The following NRXN1 variants were observed in gnomAD, a reference collection of about 807,000 sequenced individuals.
The protein encoded by NRXN1 is neurexin 1.
In NRXN1, 39 loss-of-function variants were observed where a neutral mutation model predicts 150.9. The ratio of observed to expected loss-of-function variants is 0.26; its 90% CI spans 0.20 to 0.34. The LOEUF (loss-of-function observed/expected upper bound fraction) is 0.34, where lower values mean the gene tolerates loss of function less well. Ranked by LOEUF, NRXN1 falls within the 10% of genes least tolerant of loss-of-function variation. The pLI is 1.00. For missense variants in NRXN1, 1,815 were observed against 1,949.9 expected, an observed-to-expected ratio of 0.93 and a Z score of 1.30; for synonymous variants, 924 against 757.0, an observed-to-expected ratio of 1.22 and a Z score of -3.62.
At chr2:50,456,370 A>G (rs1315820242) in intron 17 of NRXN1, among the ~76,000 whole-genome samples, 2 of 152,266 alleles carry the variant, frequency 1.3e-5, no homozygotes. Context: ...CACACAATCT[A>G]TAATACTCAG....
intron 5 of NRXN1, among the ~76,000 whole-genome samples, chr2:50,791,688 T>C (rs1706072029): frequency 6.6e-6 from 1 of 152,182 alleles, no homozygotes; most frequent in South Asian, 2.1e-4. Flanking sequence ...ATTCAAATTG[T>C]ATAGCCGCAA....
At chr2:50,749,249 T>G (rs921696331) in intron 5 of NRXN1, among the ~76,000 whole-genome samples, 1 of 152,126 alleles carries the variant, frequency 6.6e-6, no homozygotes, top group Non-Finnish European at 1.5e-5. Flanking sequence ...TGCAGCAAGC[T>G]GCCTCAGAAG....
At chr2:50,138,354 C>A (rs1395915281) in intron 18 of NRXN1, among the ~76,000 whole-genome samples, 1 of 150,714 alleles carries the variant, frequency 6.6e-6, no homozygotes, top group African/African-American at 2.4e-5. Flanking sequence ...ATTAAAAAAA[C>A]AATCTTCCTA....
chr2:50,655,938 C>T (rs1013083109), intron 5 of NRXN1, among the ~76,000 whole-genome samples: 1 of 151,894 alleles, frequency 6.6e-6, no homozygotes, highest in African/African-American at 2.4e-5. Context: ...TAATTAAACT[C>T]AAATCACTTT....
chr2:50,624,164 C>T (rs751892260), intron 5 of NRXN1, among the ~76,000 whole-genome samples: 1 of 152,092 alleles, frequency 6.6e-6, no homozygotes, highest in Non-Finnish European at 1.5e-5. Context: ...CAATGATAGA[C>T]TGGATTAAGA....
intron 12 of NRXN1, among the ~76,000 whole-genome samples, chr2:50,509,368 C>T (rs1278516371): frequency 1.3e-5 from 2 of 152,138 alleles, no homozygotes; most frequent in African/African-American, 2.4e-5. Flanking sequence ...CTGCACAAGT[C>T]CTGGTGGAAG....
chr2:50,792,309 C>A (rs1254118027), intron 5 of NRXN1, among the ~76,000 whole-genome samples: 1 of 152,032 alleles, frequency 6.6e-6, no homozygotes, highest in African/African-American at 2.4e-5. Context: ...ATATTATTAA[C>A]TTTTATTTGT....
At chr2:50,314,735 T>G (rs2152967638) in intron 17 of NRXN1, among the ~76,000 whole-genome samples, 1 of 152,180 alleles carries the variant, frequency 6.6e-6, no homozygotes, top group Non-Finnish European at 1.5e-5. Flanking sequence ...AAAAGGTTCT[T>G]AGGACTGTAT....
intron 17 of NRXN1, among the ~76,000 whole-genome samples, chr2:50,317,939 G>A (rs952789648): frequency 6.6e-6 from 1 of 151,920 alleles, no homozygotes; most frequent in Non-Finnish European, 1.5e-5. Flanking sequence ...AGGTAGAAAA[G>A]TATATCTTAA....
At chr2:50,797,589 C>T (rs1173910832) in intron 5 of NRXN1, among the ~76,000 whole-genome samples, 1 of 152,102 alleles carries the variant, frequency 6.6e-6, no homozygotes, top group Non-Finnish European at 1.5e-5. Context: ...GACTCTTCTA[C>T]ATATTATCTA....
At position 50,859,238 on chromosome 2, in the gene NRXN1, C is replaced by T. The variant is rs2193222; in HGVS notation, c.832+62631G>A. Among the ~76,000 whole-genome samples, 375 of 152,108 alleles carry T rather than the reference C, an allele frequency of 2.5e-3. 1 individual carries two copies. The highest frequency in any genetic ancestry group is 0.02 in the Middle Eastern group (6 of 294). ...TCTCAGCATACAGAATACATTCACACTGTGTCTTCCAGCAACCCACCAGAC... is the reference window on the plus strand; with the variant it reads ...TCTCAGCATACAGAATACATTCACATTGTGTCTTCCAGCAACCCACCAGAC... On this transcript the variant is annotated intron_variant, in intron 5 of 22. Transcript: ENST00000401669.
chr2:50,191,736 C>T (rs1432804180), intron 18 of NRXN1, among the ~76,000 whole-genome samples: 1 of 152,182 alleles, frequency 6.6e-6, no homozygotes, highest in African/African-American at 2.4e-5. Flanking sequence ...TGAGATCCAT[C>T]TAAGTTGTTG....
At chr2:50,797,519 T>C (rs1051145575) in intron 5 of NRXN1, among the ~76,000 whole-genome samples, 1 of 152,080 alleles carries the variant, frequency 6.6e-6, no homozygotes, top group East Asian at 1.9e-4. Flanking sequence ...ACGTAAATCA[T>C]GCCAATACTG....
At chr2:49,951,052 TAGA>T (rs1236977260) in intron 21 of NRXN1, among the ~76,000 whole-genome samples, 5 of 151,878 alleles carry the variant, frequency 3.3e-5, no homozygotes, top group African/African-American at 7.2e-5. Flanking sequence ...TGGGTTTGAG[TAGA>T]AGAACTCTGC....
chr2:50,187,298 T>G (rs1447755431), intron 18 of NRXN1, among the ~76,000 whole-genome samples: 1 of 152,028 alleles, frequency 6.6e-6, no homozygotes, highest in African/African-American at 2.4e-5. Flanking sequence ...TCCAAAATCT[T>G]GGCACACCAA....
At chr2:50,193,997 A>C (rs1444660881) in intron 18 of NRXN1, among the ~76,000 whole-genome samples, 1 of 152,142 alleles carries the variant, frequency 6.6e-6, no homozygotes, top group African/African-American at 2.4e-5. Flanking sequence ...ATTACCATCT[A>C]TCTGTTATGT....
intron 18 of NRXN1, among the ~76,000 whole-genome samples, chr2:50,225,882 T>C (rs2064328810): frequency 6.6e-6 from 1 of 152,034 alleles, no homozygotes; most frequent in South Asian, 2.1e-4. Context: ...TATGTATTTA[T>C]TTAACTAGAG....
At chr2:50,212,114 A>G (rs2063063610) in intron 18 of NRXN1, among the ~76,000 whole-genome samples, 1 of 151,356 alleles carries the variant, frequency 6.6e-6, no homozygotes. Flanking sequence ...ATTTAAAAGC[A>G]TGGGATTCAC....
At chr2:50,496,546 A>G (rs1371829575) in intron 14 of NRXN1, among the ~76,000 whole-genome samples, 5 of 152,014 alleles carry the variant, frequency 3.3e-5, no homozygotes, top group African/African-American at 9.7e-5. Context: ...CCTGCTCCAC[A>G]TGTTTTTCTA....
Sources: gnomAD v4.1 joint callset for allele counts (sites outside exome capture counted in the v4.1 genomes callset) on GRCh38, gnomAD v4.1.1 for gene constraint, MANE v1.5 for transcripts, NCBI Gene and HGNC (gene_info 2026-07-23, HGNC 2026-07-21) for gene names.